RNF6: variants seen among roughly 807,000 people sequenced by gnomAD.
RNF6 encodes the protein ring finger protein 6.
RNF6 carries 21 observed loss-of-function variants against 50.1 expected under a neutral mutation model. The ratio of observed to expected loss-of-function variants is 0.42; its 90% CI spans 0.30 to 0.60. RNF6 has a LOEUF of 0.60. Among genes scored for constraint, RNF6 ranks in the 20% least tolerant of loss-of-function variants. The pLI, the probability that RNF6 is intolerant of heterozygous loss-of-function variation, is 0.20. For synonymous variants in RNF6, 255 were observed against 291.8 expected, an observed-to-expected ratio of 0.87 and a Z score of 1.29; for missense variants, 698 against 838.2, an observed-to-expected ratio of 0.83 and a Z score of 2.07.
chr13:26,184,016 ATATTTTTTTTT>A (rs1483663031), intron 5 of RNF6, among the ~76,000 whole-genome samples: 308 of 38,500 alleles, frequency 8.0e-3, no homozygotes, highest in African/African-American at 0.024. Flanking sequence ...ATATATATAT[ATATTTTTTTTT>A]TTTTTTTTTT....
chr13:26,193,431 G>A (rs1355621659), intron 5 of RNF6, among the ~76,000 whole-genome samples: 1 of 152,186 alleles, frequency 6.6e-6, no homozygotes, highest in Non-Finnish European at 1.5e-5. Flanking sequence ...CATGATGGTA[G>A]GTCAATTAAG....
intron 5 of RNF6, among the ~76,000 whole-genome samples, chr13:26,146,050 T>A (rs978073576): frequency 1.3e-5 from 2 of 152,164 alleles, no homozygotes; most frequent in African/African-American, 4.8e-5. Flanking sequence ...CAGTGACATT[T>A]TGGGTCATCT....
downstream of RNF6, among the ~76,000 whole-genome samples, chr13:26,212,002 C>G (rs1230597135): frequency 2.6e-5 from 4 of 152,128 alleles, no homozygotes; most frequent in Non-Finnish European, 5.9e-5. Flanking sequence ...TTTTTACACC[C>G]TTCTCTTTCC....
intron 5 of RNF6, among the ~76,000 whole-genome samples, chr13:26,143,850 A>G (rs1871089725): frequency 6.6e-6 from 1 of 152,330 alleles, no homozygotes; most frequent in Non-Finnish European, 1.5e-5. Context: ...ACTGTGAAGT[A>G]AGTTCCTTGG....
At chr13:26,141,745 G>C (rs1870964338) in intron 5 of RNF6, among the ~76,000 whole-genome samples, 1 of 152,038 alleles carries the variant, frequency 6.6e-6, no homozygotes, top group South Asian at 2.1e-4. Context: ...GTAGATTAAA[G>C]ACTTAAATGA....
chr13:26,171,659 C>G (rs1410983487), intron 5 of RNF6, among the ~76,000 whole-genome samples: 1 of 152,138 alleles, frequency 6.6e-6, no homozygotes, highest in Non-Finnish European at 1.5e-5. Flanking sequence ...TGTCCATCAG[C>G]AGATGAATGG....
At chr13:26,211,454 A>C (rs1170094309), downstream of RNF6, among the ~76,000 whole-genome samples, 1 of 152,116 alleles carries the variant, frequency 6.6e-6, no homozygotes, top group Non-Finnish European at 1.5e-5. Flanking sequence ...TTCCTGAGGA[A>C]TATCCCATAT....
intron 5 of RNF6, among the ~76,000 whole-genome samples, chr13:26,173,395 C>T (rs565218435): frequency 3.4e-4 from 51 of 152,188 alleles, no homozygotes; most frequent in African/African-American, 1.1e-3. Context: ...AAAGGAGTGA[C>T]TATCAATAAA....
chr13:26,147,035 T>C (rs552105065), intron 5 of RNF6, among the ~76,000 whole-genome samples: 28 of 152,280 alleles, frequency 1.8e-4, no homozygotes, highest in African/African-American at 4.1e-4. Flanking sequence ...TCTTCATAAA[T>C]AACCCAGTCT....
intron 5 of RNF6, among the ~76,000 whole-genome samples, chr13:26,140,391 T>C (rs905401536): frequency 1.1e-4 from 16 of 152,102 alleles, no homozygotes; most frequent in Admixed American, 8.5e-4. Flanking sequence ...GTACAGAAAA[T>C]GGAAGTGAGT....
chr13:26,192,592 C>T (rs765254425), intron 5 of RNF6, among the ~76,000 whole-genome samples: 18 of 152,172 alleles, frequency 1.2e-4, no homozygotes, highest in Admixed American at 2.6e-4. Context: ...TTACATCTGT[C>T]ATACTAGCAG....
chr13:26,139,825 T>C (rs1870842043), intron 5 of RNF6, among the ~76,000 whole-genome samples: 1 of 152,160 alleles, frequency 6.6e-6, no homozygotes, highest in Non-Finnish European at 1.5e-5. Flanking sequence ...TTAAGATGTA[T>C]CTTACTTTTT....
intron 5 of RNF6, among the ~76,000 whole-genome samples, chr13:26,175,295 G>A (rs1872901342): frequency 6.6e-6 from 1 of 152,180 alleles, no homozygotes; most frequent in Non-Finnish European, 1.5e-5. Context: ...TGGCCAGGCT[G>A]GTCTCAAACT....
At chr13:26,134,258 A>G (rs1053688577) in intron 5 of RNF6, among the ~76,000 whole-genome samples, 1 of 152,244 alleles carries the variant, frequency 6.6e-6, no homozygotes, top group African/African-American at 2.4e-5. Context: ...CAGAAATGAA[A>G]GTCCTGGCTT....
chr13:26,206,605 C>G (rs1461726955), intron 5 of RNF6, among the ~76,000 whole-genome samples: 1 of 152,142 alleles, frequency 6.6e-6, no homozygotes, highest in African/African-American at 2.4e-5. Flanking sequence ...CCTCTCTTGC[C>G]TCAAACCACA....
At chr13:26,186,663 A>G (rs575621915) in intron 5 of RNF6, among the ~76,000 whole-genome samples, 11 of 152,320 alleles carry the variant, frequency 7.2e-5, no homozygotes, top group Admixed American at 5.9e-4. Context: ...CAGCGGCGCT[A>G]TACCTTCGGC....
intron 5 of RNF6, among the ~76,000 whole-genome samples, chr13:26,189,448 TTTTG>T (rs1278503256): frequency 6.6e-6 from 1 of 152,214 alleles, no homozygotes; most frequent in Non-Finnish European, 1.5e-5. Context: ...TGGCTACATT[TTTTG>T]TTTATGTATA....
At chr13:26,141,713 C>A (rs1221857720) in intron 5 of RNF6, among the ~76,000 whole-genome samples, 3 of 152,050 alleles carry the variant, frequency 2.0e-5, no homozygotes, top group African/African-American at 7.2e-5. Flanking sequence ...TACCTCTCAC[C>A]ATATACAAAA....
chr13:26,205,188 A>G (rs1869060041), intron 5 of RNF6, among the ~76,000 whole-genome samples: 1 of 152,018 alleles, frequency 6.6e-6, no homozygotes, highest in Non-Finnish European at 1.5e-5. Flanking sequence ...ACAATTAGAC[A>G]TCTTCTGACA....
Sources: gnomAD v4.1 joint callset for allele counts (sites outside exome capture counted in the v4.1 genomes callset) on GRCh38, gnomAD v4.1.1 for gene constraint, MANE v1.5 for transcripts, NCBI Gene and HGNC (gene_info 2026-07-23, HGNC 2026-07-21) for gene names.